Variants in DCDC1 observed in about 807,000 individuals in gnomAD.
DCDC1 encodes the protein doublecortin domain containing 1, also known as doublecortin domain-containing protein 1.
In DCDC1, 200 loss-of-function variants were observed where a neutral mutation model predicts 178.3. The observed-to-expected ratio is 1.12, with a 90% confidence interval of 1.00 to 1.26. The LOEUF (loss-of-function observed/expected upper bound fraction) is 1.26. Ranked by LOEUF, DCDC1 falls within the 50% of genes most tolerant of loss-of-function variation. The pLI, the probability that DCDC1 is intolerant of heterozygous loss-of-function variation, is 0.00. For synonymous variants in DCDC1, 690 were observed against 604.8 expected, an observed-to-expected ratio of 1.14 and a Z score of -2.07; for missense variants, 1,983 against 1,749.2, an observed-to-expected ratio of 1.13 and a Z score of -2.38.
At chr11:30,974,736 A>G (rs1286536946) in intron 20 of DCDC1, among the ~76,000 whole-genome samples, 1 of 152,158 alleles carries the variant, frequency 6.6e-6, no homozygotes, top group Non-Finnish European at 1.5e-5. Flanking sequence ...TCCGCAAAGA[A>G]AAGTCCAGGA....
In DCDC1 at chr11:31,250,422, ATATATATG is replaced by A. The variant is rs1379380966; in HGVS notation, c.1055-8814_1055-8807del. On this transcript the variant is annotated intron_variant, in intron 8 of 38. Transcript: ENST00000684477. Reference sequence around the variant, plus strand: ...CACACACACACACACACACATATACATATATATGTATATATATATATATCCCTGCCTGG... The same window carrying A: ...CACACACACACACACACACATATACATATATATATATATATCCCTGCCTGG... 4.2e-5 allele frequency among the ~76,000 whole-genome samples: 5 copies of A among 118,418 alleles called. 2 individuals are homozygous for A. The highest frequency in any genetic ancestry group is 5.9e-4 in the South Asian group (2 of 3,396). 77.7% of individuals were successfully genotyped at this position (118,418 alleles called of 152,430 possible).
intron 20 of DCDC1, among the ~76,000 whole-genome samples, chr11:30,964,387 G>A (rs562221334): frequency 6.6e-6 from 1 of 152,114 alleles, no homozygotes; most frequent in Non-Finnish European, 1.5e-5. Flanking sequence ...CCCTCAAGAA[G>A]TTCCACTGTC....
chr11:31,049,088 T>C (rs927315486), intron 20 of DCDC1, among the ~76,000 whole-genome samples: 3 of 152,248 alleles, frequency 2.0e-5, no homozygotes, highest in African/African-American at 7.2e-5. Context: ...TGGTTAATTC[T>C]GTATTCCAGT....
intron 11 of DCDC1, among the ~76,000 whole-genome samples, chr11:31,115,782 G>A (rs1169441155): frequency 6.6e-6 from 1 of 152,064 alleles, no homozygotes; most frequent in African/African-American, 2.4e-5. Context: ...GATGGGCAAA[G>A]CAAGTGCCTC....
At chr11:31,059,299 T>C (rs1199502902) in intron 20 of DCDC1, among the ~76,000 whole-genome samples, 2 of 152,100 alleles carry the variant, frequency 1.3e-5, no homozygotes, top group African/African-American at 2.4e-5. Flanking sequence ...CATACAGGAA[T>C]TAATTTTTAA....
intron 20 of DCDC1, among the ~76,000 whole-genome samples, chr11:31,011,604 A>T (rs1952169252): frequency 6.6e-6 from 1 of 152,220 alleles, no homozygotes; most frequent in Non-Finnish European, 1.5e-5. Context: ...AGCAAAAGCC[A>T]AGTCTGACAA....
At chr11:30,971,795 G>A (rs1221132562) in intron 20 of DCDC1, among the ~76,000 whole-genome samples, 4 of 151,850 alleles carry the variant, frequency 2.6e-5, no homozygotes, top group Admixed American at 2.6e-4. Flanking sequence ...ATTTTTAGTA[G>A]AGACGGGGTT....
At chr11:30,867,439 A>G (rs1180975961) in intron 38 of DCDC1, among the ~76,000 whole-genome samples, 1 of 152,248 alleles carries the variant, frequency 6.6e-6, no homozygotes, top group African/African-American at 2.4e-5. Flanking sequence ...AATGAGACAG[A>G]CAACATTTAT....
At chr11:31,014,999 T>G (rs371196881) in intron 20 of DCDC1, among the ~76,000 whole-genome samples, 5 of 151,704 alleles carry the variant, frequency 3.3e-5, no homozygotes, top group Non-Finnish European at 5.9e-5. Flanking sequence ...CCGGGCTGGA[T>G]TGCAGTGGCG....
rs1364621613 is a variant in DCDC1, at chr11:31,329,117, G to A, written c.-6-831C>T. ...AAAATGCCCTATTCTCCCACATACA[G>A]AGATTGGTAAATCAGAGTCCTGATG... is the stretch of plus-strand genomic sequence containing the variant. On this transcript the variant is annotated intron_variant, in intron 2 of 38. Coordinates refer to ENST00000684477, the MANE Select transcript of DCDC1 (RefSeq NM_001387274.1). Among the ~76,000 whole-genome samples the A allele has an allele frequency of 2.0e-5, 3 of 151,970 alleles. No homozygotes were observed. In the East Asian group the frequency reaches 5.8e-4, roughly 29 times the overall value.
chr11:30,873,352 T>TAGAGAG (rs1442061305), intron 38 of DCDC1, among the ~76,000 whole-genome samples: 25 of 141,334 alleles, frequency 1.8e-4, no homozygotes, highest in Non-Finnish European at 3.4e-4. Context: ...TACATATATA[T>TAGAGAG]ATATATATAT....
intron 9 of DCDC1, among the ~76,000 whole-genome samples, chr11:31,218,203 G>T (rs544823914): frequency 6.6e-6 from 1 of 151,384 alleles, no homozygotes; most frequent in South Asian, 2.1e-4. Flanking sequence ...AAAAAGAAGA[G>T]AAAATATTTC....
intron 20 of DCDC1, among the ~76,000 whole-genome samples, chr11:31,004,161 CT>C (rs766735413): frequency 1.3e-5 from 2 of 152,090 alleles, no homozygotes; most frequent in Non-Finnish European, 2.9e-5. Flanking sequence ...ATAAGAACTA[CT>C]CTTTAAATAT....
intron 9 of DCDC1, among the ~76,000 whole-genome samples, chr11:31,143,809 A>T (rs1204625445): frequency 6.6e-6 from 1 of 152,202 alleles, no homozygotes; most frequent in Non-Finnish European, 1.5e-5. Flanking sequence ...CTGGCTGTGA[A>T]TTCTGGCTCT....
chr11:31,114,418 T>C (rs537699879), intron 11 of DCDC1, among the ~76,000 whole-genome samples: 2 of 151,226 alleles, frequency 1.3e-5, no homozygotes, highest in South Asian at 4.2e-4. Context: ...GGTGGTGCTA[T>C]GTAAAGGAGA....
intron 11 of DCDC1, among the ~76,000 whole-genome samples, chr11:31,113,749 C>T (rs1057219841): frequency 6.6e-6 from 1 of 151,874 alleles, no homozygotes; most frequent in East Asian, 1.9e-4. Flanking sequence ...TAGAGATAAT[C>T]GAAAGATAAT....
intron 17 of DCDC1, among the ~76,000 whole-genome samples, chr11:31,085,145 T>A (rs991795703): frequency 2.6e-5 from 4 of 151,512 alleles, no homozygotes; most frequent in African/African-American, 9.7e-5. Flanking sequence ...TCATTTTTAT[T>A]TTTTCTTAAT....
At chr11:31,225,816 G>T (rs1053477408) in intron 9 of DCDC1, among the ~76,000 whole-genome samples, 1 of 151,400 alleles carries the variant, frequency 6.6e-6, no homozygotes, top group African/African-American at 2.4e-5. Context: ...TTGGCTTACA[G>T]AAATGTTTAC....
chr11:31,326,940 C>A (rs994228074), intron 3 of DCDC1, among the ~76,000 whole-genome samples: 8 of 152,144 alleles, frequency 5.3e-5, no homozygotes, highest in Non-Finnish European at 1.0e-4. Context: ...TTAGTTCTTT[C>A]ACTTTCTAAC....
Sources: gnomAD v4.1 joint callset for allele counts (sites outside exome capture counted in the v4.1 genomes callset) on GRCh38, gnomAD v4.1.1 for gene constraint, MANE v1.5 for transcripts, NCBI Gene and HGNC (gene_info 2026-07-23, HGNC 2026-07-21) for gene names.